PPFIBP1: variants seen among roughly 807,000 people sequenced by gnomAD.
The protein encoded by PPFIBP1 is liprin-beta-1.
A neutral mutation model predicts 137.8 loss-of-function variants in PPFIBP1; 112 were observed. That is an observed-to-expected ratio of 0.81 (90% CI 0.70 to 0.95). The LOEUF (loss-of-function observed/expected upper bound fraction) is 0.95. Among genes scored for constraint, PPFIBP1 ranks in the 40% least tolerant of loss-of-function variants. The pLI is 0.00. For missense variants in PPFIBP1, 1,083 were observed against 1,196.6 expected (o/e 0.91, Z 1.40); for synonymous variants, 378 against 417.3 (o/e 0.91, Z 1.15).
At chr12:27,537,838 G>A (rs1352065500) in intron 1 of PPFIBP1, among the ~76,000 whole-genome samples, 1 of 151,908 alleles carries the variant, frequency 6.6e-6, no homozygotes, top group Non-Finnish European at 1.5e-5. Flanking sequence ...TCTTTGCTGT[G>A]GCAAAATCTT....
chr12:27,616,188 C>T (rs185903198), intron 2 of PPFIBP1, among the ~76,000 whole-genome samples: 101 of 151,918 alleles, frequency 6.6e-4, no homozygotes, highest in African/African-American at 2.2e-3. Flanking sequence ...ATACATAGGG[C>T]ATGAGAGATA....
intron 2 of PPFIBP1, among the ~76,000 whole-genome samples, chr12:27,619,641 C>A (rs2056137101): frequency 6.6e-6 from 1 of 152,188 alleles, no homozygotes; most frequent in African/African-American, 2.4e-5. Context: ...ATGGCTTAGG[C>A]CATAGTCTTG....
At chr12:27,527,713 G>A (rs1405361750) in intron 1 of PPFIBP1, among the ~76,000 whole-genome samples, 5 of 151,992 alleles carry the variant, frequency 3.3e-5, no homozygotes, top group South Asian at 4.2e-4. Context: ...GAAATGTTGC[G>A]TAATGACGTT....
At chr12:27,636,694 C>T (rs1331206699) in intron 4 of PPFIBP1, 1 of 152,176 alleles carries the variant, frequency 6.6e-6, no homozygotes, top group East Asian at 1.9e-4. Flanking sequence ...GATCATGACA[C>T]TCACTCCTTT....
intron 24 of PPFIBP1, among the ~76,000 whole-genome samples, chr12:27,685,114 A>G (rs1433668076): frequency 6.6e-6 from 1 of 151,904 alleles, no homozygotes; most frequent in Non-Finnish European, 1.5e-5. Flanking sequence ...GCTGCTTGTG[A>G]TTTTAAGCTT....
chr12:27,593,113 C>A (rs1436942074), intron 2 of PPFIBP1, among the ~76,000 whole-genome samples: 1 of 84,710 alleles, frequency 1.2e-5, no homozygotes, highest in African/African-American at 4.8e-5. Context: ...GCCTGGGCAA[C>A]GGAGAAAGAA....
chr12:27,567,488 A>C (rs1011621057), intron 1 of PPFIBP1, among the ~76,000 whole-genome samples: 1 of 152,230 alleles, frequency 6.6e-6, no homozygotes, highest in Non-Finnish European at 1.5e-5. Context: ...CCTTTTAGAC[A>C]TATGTACTAA....
At chr12:27,564,550 A>G (rs768552008) in intron 1 of PPFIBP1, among the ~76,000 whole-genome samples, 5 of 152,324 alleles carry the variant, frequency 3.3e-5, no homozygotes, top group Admixed American at 6.5e-5. Context: ...CCTTAAAGGT[A>G]AATTTTTGCA....
intron 1 of PPFIBP1, among the ~76,000 whole-genome samples, chr12:27,539,285 T>G (rs1945391034): frequency 6.6e-6 from 1 of 152,188 alleles, no homozygotes; most frequent in African/African-American, 2.4e-5. Context: ...CTGTCCTGTT[T>G]AGGAGTGGTG....
chr12:27,622,648 C>T (rs2056444731), intron 2 of PPFIBP1, among the ~76,000 whole-genome samples: 1 of 152,240 alleles, frequency 6.6e-6, no homozygotes, highest in Non-Finnish European at 1.5e-5. Flanking sequence ...CGCACATACT[C>T]TGAAACCACT....
chr12:27,579,960 G>A (rs2050930956), intron 2 of PPFIBP1, among the ~76,000 whole-genome samples: 1 of 152,182 alleles, frequency 6.6e-6, no homozygotes, highest in Non-Finnish European at 1.5e-5. Flanking sequence ...TGGCAGAGAA[G>A]GGTTTTGATT....
chr12:27,595,600 A>T (rs946232962), intron 2 of PPFIBP1, among the ~76,000 whole-genome samples: 1 of 152,084 alleles, frequency 6.6e-6, no homozygotes, highest in Admixed American at 6.6e-5. Context: ...CACGCTTATA[A>T]TCCCAGCACT....
At chr12:27,587,004 G>A (rs773313050) in intron 2 of PPFIBP1, among the ~76,000 whole-genome samples, 2 of 152,132 alleles carry the variant, frequency 1.3e-5, no homozygotes, top group Non-Finnish European at 2.9e-5. Context: ...TCCGCATTCG[G>A]CAAAAATTAT....
intron 2 of PPFIBP1, among the ~76,000 whole-genome samples, chr12:27,594,977 G>T (rs1006381169): frequency 1.3e-5 from 2 of 152,204 alleles, no homozygotes; most frequent in African/African-American, 4.8e-5. Context: ...TTAGGTGGTA[G>T]TTATTGTTTT....
chr12:27,525,103 C>T (rs1943577268), intron 1 of PPFIBP1, among the ~76,000 whole-genome samples: 1 of 151,994 alleles, frequency 6.6e-6, no homozygotes, highest in African/African-American at 2.4e-5. Context: ...TTTCAGGGAT[C>T]TTTTTTAGAG....
At chr12:27,663,331 A>G (rs2139995655) in intron 11 of PPFIBP1, among the ~76,000 whole-genome samples, 1 of 152,302 alleles carries the variant, frequency 6.6e-6, no homozygotes, top group Admixed American at 6.5e-5. Flanking sequence ...TTTTCATAAC[A>G]CAGTTGAGCA....
chr12:27,628,630 T>G (rs183712374), intron 2 of PPFIBP1, among the ~76,000 whole-genome samples: 36 of 152,354 alleles, frequency 2.4e-4, no homozygotes, highest in African/African-American at 8.7e-4. Context: ...TATAATTGGA[T>G]TATTCATGAT....
At chr12:27,599,503 T>C (rs567130882) in intron 2 of PPFIBP1, 5 of 455,932 alleles carry the variant, frequency 1.1e-5, no homozygotes, top group South Asian at 3.1e-5. Flanking sequence ...TTAAAATCTC[T>C]CTCCTTTCTC....
In PPFIBP1 at chr12:27,656,718, A is replaced by G. The variant is rs1192692834; in HGVS notation, c.799A>G (p.Ile267Val). ...CAAGATGAAAGGAGAAGGGGTTGAA[A>G]TTGTTGATAGAGGTAAGAAGATATA... ...VCKMKGEGVE[I>V]VDRDENFKKK... The change falls in exon 9 of 30, where the codon ATT becomes GTT. Residue 267 changes from isoleucine (I) to valine (V), a missense_variant. Coordinates refer to ENST00000228425, the MANE Select transcript of PPFIBP1 (RefSeq NM_003622.4). The G allele has an allele frequency of 6.3e-7, 1 of 1,599,700 alleles. No homozygotes were observed. The highest frequency in any genetic ancestry group is 2.2e-5 in the East Asian group (1 of 44,728).
Sources: allele counts gnomAD v4.1 joint callset (sites outside exome capture counted in the v4.1 genomes callset), GRCh38; gene constraint gnomAD v4.1.1; transcripts MANE v1.5; gene names NCBI Gene and HGNC (gene_info 2026-07-23, HGNC 2026-07-21).